Variants in DPY19L2 observed in about 807,000 individuals in gnomAD.
The protein encoded by DPY19L2 is dpy-19 like 2, also known as probable C-mannosyltransferase DPY19L2.
In DPY19L2, 34 loss-of-function variants were observed where a neutral mutation model predicts 97.9. The observed-to-expected ratio is 0.35, with a 90% confidence interval of 0.26 to 0.46. DPY19L2 has a LOEUF of 0.46. Among genes scored for constraint, DPY19L2 ranks in the 20% least tolerant of loss-of-function variants. The pLI is 1.00. For missense variants in DPY19L2, 623 were observed against 911.4 expected (o/e 0.68, Z 4.07); for synonymous variants, 230 against 307.9 (o/e 0.75, Z 2.65).
chr12:63,576,150 A>G (rs1592404443), intron 19 of DPY19L2, among the ~76,000 whole-genome samples: 1 of 152,124 alleles, frequency 6.6e-6, no homozygotes, highest in South Asian at 2.1e-4. Context: ...TAGCAAATCA[A>G]TGTGATACGT....
At chr12:63,635,754 G>C (rs1437376134) in intron 6 of DPY19L2, among the ~76,000 whole-genome samples, 1 of 152,064 alleles carries the variant, frequency 6.6e-6, no homozygotes, top group South Asian at 2.1e-4. Context: ...AATAAACAAA[G>C]CCTCCAAGAA....
chr12:63,661,100 G>T, intron 4 of DPY19L2: 1 of 256,450 alleles, frequency 3.9e-6, no homozygotes, highest in Non-Finnish European at 7.3e-6. Flanking sequence ...TTTCCATTTG[G>T]CTTGTCTATT....
chr12:63,573,513 C>A (rs1879271588), intron 19 of DPY19L2, among the ~76,000 whole-genome samples: 1 of 151,902 alleles, frequency 6.6e-6, no homozygotes, highest in African/African-American at 2.4e-5. Context: ...AGAGAGACAG[C>A]AGTAGGAAGT....
At chr12:63,573,119 C>A (rs1879180099) in intron 19 of DPY19L2, among the ~76,000 whole-genome samples, 1 of 151,964 alleles carries the variant, frequency 6.6e-6, no homozygotes, top group African/African-American at 2.4e-5. Context: ...CACTAGGGGG[C>A]CAATCCTGGA....
intron 21 of DPY19L2, among the ~76,000 whole-genome samples, chr12:63,562,666 G>GT (rs929154550): frequency 1.4e-4 from 21 of 150,486 alleles, no homozygotes; most frequent in African/African-American, 2.7e-4. Context: ...ACACTTGGCA[G>GT]TTTTTTTTTC....
chr12:63,631,709 T>G (rs75789939), intron 6 of DPY19L2, among the ~76,000 whole-genome samples: 1 of 152,118 alleles, frequency 6.6e-6, no homozygotes, highest in Non-Finnish European at 1.5e-5. Flanking sequence ...CCCTAACTCA[T>G]TTTAGGAGGC....
intron 6 of DPY19L2, among the ~76,000 whole-genome samples, chr12:63,636,644 G>C (rs1891764579): frequency 6.6e-6 from 1 of 152,060 alleles, no homozygotes; most frequent in Admixed American, 6.5e-5. Flanking sequence ...CCTAGTCTCT[G>C]ATAAAACAGA....
At position 63,585,990 on chromosome 12, in the gene DPY19L2, GTGA is replaced by G. The variant is rs1422121635; in HGVS notation, c.1581-2157_1581-2155del. ...TGAAGTTGACAGTATTAAAGACTCA[GTGA>G]TGATATTCTCTGAGAACACAGAAAG... On this transcript the variant is annotated intron_variant, in intron 16 of 21. Transcript: ENST00000324472. 8.5e-5 allele frequency among the ~76,000 whole-genome samples: 13 copies of G among 152,262 alleles called. 1 individual carries two copies. The highest frequency in any genetic ancestry group is 1.8e-4 in the Non-Finnish European group (12 of 68,012).
chr12:63,634,738 G>A (rs1891356440), intron 6 of DPY19L2, among the ~76,000 whole-genome samples: 1 of 152,296 alleles, frequency 6.6e-6, no homozygotes, highest in South Asian at 2.1e-4. Flanking sequence ...TGGTGGAGGG[G>A]CGTCCACCAT....
intron 17 of DPY19L2, 57 bp downstream of exon 17, chr12:63,583,755 A>G (rs1447918826): frequency 1.3e-6 from 2 of 1,575,100 alleles, no homozygotes; most frequent in African/African-American, 1.4e-5. Flanking sequence ...TTTGTCAATT[A>G]TCCTCAAACT....
intron 6 of DPY19L2, among the ~76,000 whole-genome samples, chr12:63,631,361 A>T (rs1890601676): frequency 6.6e-6 from 1 of 152,182 alleles, no homozygotes; most frequent in African/African-American, 2.4e-5. Context: ...AATAGACGCA[A>T]TAAAAAATGA....
intron 3 of DPY19L2, among the ~76,000 whole-genome samples, chr12:63,663,330 T>G (rs1895930401): frequency 6.6e-6 from 1 of 152,094 alleles, no homozygotes. Context: ...TATTTTAAAA[T>G]TATATAAAAA....
chr12:63,598,039 T>C, intron 13 of DPY19L2, 129 bp from the exon 14 acceptor site: 1 of 661,992 alleles, frequency 1.5e-6, no homozygotes, highest in Non-Finnish European at 2.3e-6. Flanking sequence ...TAGACATCCC[T>C]CTAAGAAAAC....
chr12:63,574,724 A>G (rs558563913), intron 19 of DPY19L2, among the ~76,000 whole-genome samples: 1 of 152,198 alleles, frequency 6.6e-6, no homozygotes, highest in Non-Finnish European at 1.5e-5. Context: ...AAGTCATTAT[A>G]TAATGATAAA....
chr12:63,582,678 C>G (rs1244548293), intron 17 of DPY19L2, among the ~76,000 whole-genome samples, 153 bp from the exon 18 acceptor site: 3 of 152,160 alleles, frequency 2.0e-5, no homozygotes, highest in Non-Finnish European at 4.4e-5. Flanking sequence ...TATCGAATGT[C>G]TACTATGTTC....
intron 19 of DPY19L2, among the ~76,000 whole-genome samples, chr12:63,575,882 C>T (rs963982429): frequency 1.3e-5 from 2 of 151,920 alleles, no homozygotes; most frequent in African/African-American, 2.4e-5. Flanking sequence ...GAACTAATAT[C>T]AATCCTACTC....
In DPY19L2 at chr12:63,570,820, G is replaced by C. The variant is rs577993411; in HGVS notation, c.1938C>G (p.Ser646Arg). The C allele has an allele frequency of 6.4e-7, 1 of 1,572,642 alleles. No individual in the cohort carries two copies. Among genetic ancestry groups the C allele is most frequent in the East Asian group, 2.3e-5 (1 of 43,576 alleles). The stretch of plus-strand genomic sequence containing the variant: ...TGGGATGAAGTGTAGACAGCTTGAT[G>C]CTTGCCATTGTAGGCATGGCACCTG... ...VFAGAMPTMA[S>R]IKLSTLHPIV... The change falls in exon 20 of 22, where the codon AGC becomes AGG. Residue 646 changes from serine to arginine, a missense_variant. Ser to Arg is a moderately radical substitution (Grantham distance 110). Transcript: ENST00000324472.
At chr12:63,620,628 A>G (rs890286745) in intron 9 of DPY19L2, among the ~76,000 whole-genome samples, 1 of 152,194 alleles carries the variant, frequency 6.6e-6, no homozygotes, top group Non-Finnish European at 1.5e-5. Flanking sequence ...CCCTATTTTG[A>G]AAATCTTTTA....
chr12:63,597,730 A>G, intron 14 of DPY19L2, 79 bp downstream of exon 14: 1 of 1,350,450 alleles, frequency 7.4e-7, no homozygotes. Context: ...TTCTGAGCAA[A>G]AATTTTGAGT....
Sources: gnomAD v4.1 joint callset for allele counts (sites outside exome capture counted in the v4.1 genomes callset) on GRCh38, gnomAD v4.1.1 for gene constraint, MANE v1.5 for transcripts, NCBI Gene and HGNC (gene_info 2026-07-23, HGNC 2026-07-21) for gene names.